The following FER variants were observed in gnomAD, a reference collection of about 807,000 sequenced individuals.
The protein encoded by FER is FER tyrosine kinase.
Under a neutral mutation model 111.0 loss-of-function variants are expected in FER, and 63 were observed. The observed-to-expected ratio is 0.57, with a 90% CI of 0.46 to 0.70. FER has a LOEUF of 0.70. Ranked by LOEUF, FER falls within the 30% of genes least tolerant of loss-of-function variation. The pLI, the probability that FER is intolerant of heterozygous loss-of-function variation, is 0.00. For synonymous variants in FER, 327 were observed against 313.9 expected (o/e 1.04, Z -0.44); for missense variants, 914 against 954.0 (o/e 0.96, Z 0.55).
Position 108,897,670 on chromosome 5 carries a change from T to C in FER, c.1058T>C (p.Leu353Pro), listed in dbSNP as rs1395012081. The C allele has an allele frequency of 9.4e-6, 15 of 1,593,934 alleles. No homozygotes were observed. The highest frequency in any genetic ancestry group is 1.4e-5 in the African/African-American group (1 of 73,428). ...TTATTCTCTTTTAGTATTGTGCTTCTGCTAAGCCAAAAACAGGCACTTGAA... is the reference window on the plus strand; with the variant it reads ...TTATTCTCTTTTAGTATTGTGCTTCCGCTAAGCCAAAAACAGGCACTTGAA... ...TCEKKSDIVL[L>P]LSQKQALEEL... Residue 353 changes from leucine to proline, a missense_variant, in exon 10 of 20, where the codon CTG becomes CCG. Around this residue, in one of 3 missense-constraint regions of FER, gnomAD observed 774 missense variants for 782.6 expected, o/e 0.99. Coordinates refer to ENST00000281092, the MANE Select transcript of FER (RefSeq NM_005246.4).
At chr5:109,186,434 G>T in intron 19 of FER, 112 bp downstream of exon 19, 1 of 1,500,616 alleles carries the variant, frequency 6.7e-7, no homozygotes, top group Non-Finnish European at 9.2e-7. Context: ...GTTGTGTTAT[G>T]AGACCATCTC....
rs73779117 is a variant in FER, at chr5:109,040,159, T to C, written c.1713+2681T>C. ...TGAGTTTTTCTATGAAACTTCCAAG[T>C]GGGGATGATGGAAACTATTGGGTAT... On this transcript the variant is annotated intron_variant, in intron 14 of 19. Coordinates refer to ENST00000281092, the MANE Select transcript of FER (RefSeq NM_005246.4). Among the ~76,000 whole-genome samples the C allele has an allele frequency of 6.6e-3, 1,004 of 152,072 alleles. 12 individuals carry two copies. The highest frequency in any genetic ancestry group is 0.023 in the African/African-American group (940 of 41,468).
Position 108,917,715 on chromosome 5 carries a change from A to C in FER, c.1236+19867A>C, listed in dbSNP as rs560284140. Among the ~76,000 whole-genome samples the C allele has an allele frequency of 4.6e-5, 7 of 152,316 alleles. No individual in the cohort carries two copies. In the South Asian group the frequency reaches 1.5e-3, roughly 32 times the overall value. On this transcript the variant is annotated intron_variant, in intron 10 of 19. Coordinates refer to ENST00000281092, the MANE Select transcript of FER (RefSeq NM_005246.4). ...AAATGATTAACAGGAAGTATGAAAA[A>C]GGTGATACTTTAAGCTTCAGCTTTA...
intron 3 of FER, among the ~76,000 whole-genome samples, chr5:108,800,948 G>A (rs2150051526): frequency 6.6e-6 from 1 of 152,304 alleles, no homozygotes; most frequent in Non-Finnish European, 1.5e-5. Flanking sequence ...TTGGGAGGCT[G>A]AGACAGGAGA....
chr5:108,871,058 A>G (rs1016171157), intron 6 of FER, among the ~76,000 whole-genome samples: 1 of 152,110 alleles, frequency 6.6e-6, no homozygotes, highest in Non-Finnish European at 1.5e-5. Context: ...ATACGAGAAT[A>G]TTTAGACATA....
intron 13 of FER, among the ~76,000 whole-genome samples, chr5:108,985,742 C>T (rs1222717574): frequency 1.3e-5 from 2 of 152,164 alleles, no homozygotes; most frequent in Non-Finnish European, 2.9e-5. Context: ...CCAGTTGCAT[C>T]CAGGTGGCTG....
intron 13 of FER, among the ~76,000 whole-genome samples, chr5:108,993,583 G>A (rs1284090119): frequency 6.9e-6 from 1 of 145,862 alleles, no homozygotes; most frequent in Non-Finnish European, 1.5e-5. Context: ...GAGAGGGAGA[G>A]GGAGAGGGAG....
intron 13 of FER, chr5:109,014,971 G>A (rs1766862131): frequency 6.6e-6 from 1 of 151,970 alleles, no homozygotes; most frequent in South Asian, 2.1e-4. Context: ...TCTTCTTAAT[G>A]TTGATTTTTT....
At chr5:109,051,173 CTT>C (rs1772743240) in intron 16 of FER, 4 of 665,210 alleles carry the variant, frequency 6.0e-6, no homozygotes, top group African/African-American at 5.4e-5. Context: ...ATTCTAATGT[CTT>C]TGTGTTTTCT....
chr5:109,093,335 T>C (rs1747062118), intron 16 of FER, among the ~76,000 whole-genome samples: 1 of 152,192 alleles, frequency 6.6e-6, no homozygotes, highest in South Asian at 2.1e-4. Flanking sequence ...CATTCCCAAC[T>C]CTTGCTGCAA....
intron 10 of FER, among the ~76,000 whole-genome samples, chr5:108,907,484 G>A (rs188081416): frequency 4.6e-5 from 7 of 151,932 alleles, no homozygotes; most frequent in East Asian, 1.9e-4. Context: ...TGATAGAGAC[G>A]GGGTTTTATC....
At chr5:109,142,764 A>C (rs1446284710) in intron 17 of FER, among the ~76,000 whole-genome samples, 1 of 152,136 alleles carries the variant, frequency 6.6e-6, no homozygotes, top group African/African-American at 2.4e-5. Context: ...GAAAAAATGG[A>C]AACAGCAGAC....
chr5:109,100,623 T>G, intron 17 of FER, 104 bp downstream of exon 17: 1 of 1,143,782 alleles, frequency 8.7e-7, no homozygotes, highest in South Asian at 1.6e-5. Context: ...GAAACATGTC[T>G]TTTCTTGTTT....
intron 5 of FER, among the ~76,000 whole-genome samples, chr5:108,866,355 T>C (rs576194525): frequency 6.6e-6 from 1 of 152,208 alleles, no homozygotes; most frequent in African/African-American, 2.4e-5. Flanking sequence ...AAACACCGCG[T>C]GTTCTCACCC....
chr5:108,813,687 A>G (rs1345404640), intron 3 of FER, among the ~76,000 whole-genome samples: 1 of 152,122 alleles, frequency 6.6e-6, no homozygotes, highest in Non-Finnish European at 1.5e-5. Flanking sequence ...TTCAGCTCAG[A>G]TATTTTTACT....
intron 1 of FER, among the ~76,000 whole-genome samples, chr5:108,762,535 T>C (rs549808443): frequency 6.6e-6 from 1 of 152,340 alleles, no homozygotes; most frequent in African/African-American, 2.4e-5. Context: ...TCATGTCTTT[T>C]CTTGCTCAGA....
intron 3 of FER, among the ~76,000 whole-genome samples, chr5:108,822,753 AT>A (rs56980083): frequency 0.27 from 31,145 of 113,434 alleles, 4,287 homozygotes; most frequent in African/African-American, 0.51. Flanking sequence ...ATTTTATTTT[AT>A]TTTATTTTAT....
chr5:108,900,960 G>A (rs555653374), intron 10 of FER, among the ~76,000 whole-genome samples: 1 of 152,304 alleles, frequency 6.6e-6, no homozygotes, highest in Non-Finnish European at 1.5e-5. Flanking sequence ...GCCATTGTAA[G>A]AGTGTTAAGA....
intron 13 of FER, among the ~76,000 whole-genome samples, chr5:108,979,586 C>T (rs546961084): frequency 2.3e-4 from 35 of 152,014 alleles, no homozygotes; most frequent in African/African-American, 8.4e-4. Flanking sequence ...TTAAAATATC[C>T]ATTTGCTAAG....
Sources: allele counts gnomAD v4.1 joint callset (sites outside exome capture counted in the v4.1 genomes callset), GRCh38; gene constraint gnomAD v4.1.1; regional missense constraint gnomAD v4.1.1; transcripts MANE v1.5; gene names NCBI Gene and HGNC (gene_info 2026-07-23, HGNC 2026-07-21).